The following GSN variants were observed in gnomAD, a reference collection of about 807,000 sequenced individuals.
The protein encoded by GSN is actin-depolymerizing factor.
Under a neutral mutation model 85.7 loss-of-function variants are expected in GSN, and 56 were observed. The observed-to-expected ratio is 0.65, with a 90% CI of 0.53 to 0.82. The LOEUF (loss-of-function observed/expected upper bound fraction) is 0.82. Among genes scored for constraint, GSN ranks in the 40% least tolerant of loss-of-function variants. The pLI, the probability that GSN is intolerant of heterozygous loss-of-function variation, is 0.00. For synonymous variants in GSN, 373 were observed against 399.1 expected (o/e 0.93, Z 0.78); for missense variants, 857 against 979.8 (o/e 0.87, Z 1.67).
chr9:121,249,108 T>A (rs2054761164), intron 6 of GSN, among the ~76,000 whole-genome samples: 1 of 151,792 alleles, frequency 6.6e-6, no homozygotes, highest in African/African-American at 2.4e-5. Flanking sequence ...TTCAAAAGAT[T>A]GAGGAGATAG....
intron 4 of GSN, among the ~76,000 whole-genome samples, chr9:121,228,146 AT>A (rs1189769244): frequency 6.6e-6 from 1 of 151,838 alleles, no homozygotes; most frequent in African/African-American, 2.4e-5. Flanking sequence ...CTGTGTTGTA[AT>A]TACCTACTCA....
chr9:121,318,294 A>G lies in GSN; in HGVS notation c.887-112A>G. 2 of 894,876 alleles carry G rather than the reference A, an allele frequency of 2.2e-6. No homozygotes were observed. Among genetic ancestry groups the G allele is most frequent in the Non-Finnish European group, 3.8e-6 (2 of 528,404 alleles). The allele number at this position is 894,876 out of a possible 1,614,324, so 55.4% of individuals were successfully genotyped here. ...CTCTGGCCTTGGCTGTCCACAGTCT[A>G]AGAAGAGTAGGGAGGGAAGTTTGGC... On this transcript the variant is annotated intron_variant, in intron 8 of 17. Coordinates refer to ENST00000432226, the MANE Select transcript of GSN (RefSeq NM_198252.3). The surrounding 1 kb of genome is among the most constrained non-coding windows in gnomAD (Gnocchi z 4.3).
At chr9:121,297,810 A>G (rs2059359404) in intron 2 of GSN, 1 of 152,186 alleles carries the variant, frequency 6.6e-6, no homozygotes, top group African/African-American at 2.4e-5. Flanking sequence ...TGCTTCAGTG[A>G]ACATCCTTGC....
chr9:121,262,612 G>T (rs2055111097), intron 6 of GSN, among the ~76,000 whole-genome samples: 1 of 152,206 alleles, frequency 6.6e-6, no homozygotes, highest in Admixed American at 6.5e-5. Flanking sequence ...CCTCTGCTGT[G>T]TAACAGTGAA....
At chr9:121,306,802 T>G (rs566396310) in intron 4 of GSN, among the ~76,000 whole-genome samples, 2 of 152,374 alleles carry the variant, frequency 1.3e-5, no homozygotes, top group South Asian at 4.1e-4. Flanking sequence ...TTAATTAATC[T>G]TTCCAATTCT....
chr9:121,226,151 A>G (rs1352350384), intron 4 of GSN, among the ~76,000 whole-genome samples: 1 of 152,036 alleles, frequency 6.6e-6, no homozygotes, highest in Non-Finnish European at 1.5e-5. Flanking sequence ...TCCCCCTCCC[A>G]TTGCCTTCTC....
At chr9:121,260,782 G>C (rs1024567732) in intron 6 of GSN, among the ~76,000 whole-genome samples, 1 of 152,156 alleles carries the variant, frequency 6.6e-6, no homozygotes, top group African/African-American at 2.4e-5. Flanking sequence ...TCACAGCAAA[G>C]TCTGCTACTG....
chr9:121,320,594 G>A (rs894673119), intron 10 of GSN, among the ~76,000 whole-genome samples: 5 of 151,204 alleles, frequency 3.3e-5, no homozygotes, highest in East Asian at 1.9e-4. Flanking sequence ...GCAGTGAGCC[G>A]AGATTGCGTC....
intron 6 of GSN, among the ~76,000 whole-genome samples, chr9:121,260,811 G>C (rs1226079253): frequency 6.6e-6 from 1 of 152,128 alleles, no homozygotes; most frequent in Non-Finnish European, 1.5e-5. Context: ...AGTGATGAGA[G>C]AGGAGAAAAA....
At chr9:121,210,388 T>G (rs1018125325) in intron 3 of GSN, 1 of 152,192 alleles carries the variant, frequency 6.6e-6, no homozygotes, top group African/African-American at 2.4e-5. Context: ...TCACTTATGC[T>G]CAAATTTTCT....
At chr9:121,236,423 T>C (rs1452243850) in intron 5 of GSN, among the ~76,000 whole-genome samples, 1 of 152,076 alleles carries the variant, frequency 6.6e-6, no homozygotes, top group Non-Finnish European at 1.5e-5. Context: ...TTTCACCACG[T>C]TGGCTGGTCT....
At chr9:121,206,595 G>GT (rs1409739354), upstream of GSN, among the ~76,000 whole-genome samples, 1 of 152,026 alleles carries the variant, frequency 6.6e-6, no homozygotes, top group Non-Finnish European at 1.5e-5. Flanking sequence ...CATTAATGAG[G>GT]TAAAAAGCAA....
At chr9:121,260,603 G>A (rs770638164) in intron 6 of GSN, among the ~76,000 whole-genome samples, 49 of 152,318 alleles carry the variant, frequency 3.2e-4, no homozygotes, top group Non-Finnish European at 6.8e-4. Flanking sequence ...CTGGTTTTAT[G>A]AGCCAGGTAT....
chr9:121,218,490 C>T (rs2054108664), intron 4 of GSN, among the ~76,000 whole-genome samples: 1 of 152,100 alleles, frequency 6.6e-6, no homozygotes, highest in South Asian at 2.1e-4. Context: ...CAAAAATGAA[C>T]CAGGCATCAT....
intron 11 of GSN, among the ~76,000 whole-genome samples, chr9:121,322,893 C>T (rs554938961): frequency 2.1e-4 from 31 of 149,142 alleles, no homozygotes; most frequent in African/African-American, 6.9e-4. Flanking sequence ...TGCAGTGGTA[C>T]GATCTCTGCT....
rs369527927 is a variant in GSN at position 121,313,851 on chromosome 9, T to A, written c.664-83T>A. 1.1e-5 allele frequency: 12 copies of A among 1,085,686 alleles called. No homozygotes were observed. In the African/African-American group the frequency reaches 1.7e-4, roughly 15 times the overall value. The allele number at this position is 1,085,686 out of a possible 1,614,324, so 67.3% of individuals were successfully genotyped here. The stretch of plus-strand genomic sequence containing the variant: ...AGGGTCACAGTGGATGTCCTTGTGA[T>A]CCTTGCCTGCCTGGGAGCTATCTCA... On this transcript the variant is annotated intron_variant, in intron 6 of 17. Coordinates refer to ENST00000432226, the MANE Select transcript of GSN (RefSeq NM_198252.3).
intron 5 of GSN, 69 bp from the exon 6 acceptor site, chr9:121,312,270 C>T (rs2061236221): frequency 5.8e-6 from 9 of 1,561,618 alleles, no homozygotes; most frequent in Admixed American, 3.3e-5. Context: ...GCCACACTCC[C>T]CAAGCCCTGT....
chr9:121,250,881 GT>G (rs2054813989), intron 6 of GSN, among the ~76,000 whole-genome samples: 1 of 133,340 alleles, frequency 7.5e-6, no homozygotes, highest in Non-Finnish European at 1.7e-5. Context: ...GGGTGTGTGT[GT>G]GTGTGTGTGT....
intron 2 of GSN, among the ~76,000 whole-genome samples, chr9:121,288,184 T>C (rs770257006): frequency 7.9e-5 from 12 of 152,170 alleles, no homozygotes; most frequent in Non-Finnish European, 1.8e-4. Flanking sequence ...CGCCTCAGCC[T>C]TCCAAAGTGC....
Sources: allele counts gnomAD v4.1 joint callset (sites outside exome capture counted in the v4.1 genomes callset), GRCh38; gene constraint gnomAD v4.1.1; non-coding constraint Gnocchi (gnomAD v3.1); transcripts MANE v1.5; gene names NCBI Gene and HGNC (gene_info 2026-07-23, HGNC 2026-07-21).